Variants in PSEN1 observed in about 807,000 individuals in gnomAD.
PSEN1 encodes the protein presenilin-1.
PSEN1 carries 15 observed loss-of-function variants against 53.5 expected under a neutral mutation model. The observed-to-expected ratio is 0.28, with a 90% confidence interval of 0.19 to 0.43. The LOEUF (loss-of-function observed/expected upper bound fraction) is 0.43. Ranked by LOEUF, PSEN1 falls within the 20% of genes least tolerant of loss-of-function variation. The pLI, the probability that PSEN1 is intolerant of heterozygous loss-of-function variation, is 1.00. For synonymous variants in PSEN1, 208 were observed against 209.8 expected (o/e 0.99, Z 0.08); for missense variants, 387 against 571.2 (o/e 0.68, Z 3.29).
chr14:73,196,310 A>ACTT (rs1368110714), intron 7 of PSEN1, among the ~76,000 whole-genome samples: 4 of 151,960 alleles, frequency 2.6e-5, no homozygotes, highest in Non-Finnish European at 5.9e-5. Context: ...AGCAGGGCAG[A>ACTT]CTTCTCATTC....
intron 4 of PSEN1, among the ~76,000 whole-genome samples, chr14:73,172,605 A>G (rs768733489): frequency 4.6e-5 from 7 of 152,222 alleles, no homozygotes; most frequent in Non-Finnish European, 1.0e-4. Context: ...CTACAGTAGC[A>G]CAGTTGAGTG....
At chr14:73,142,940 C>T (rs1411075891) in intron 1 of PSEN1, among the ~76,000 whole-genome samples, 1 of 152,120 alleles carries the variant, frequency 6.6e-6, no homozygotes, top group Non-Finnish European at 1.5e-5. Flanking sequence ...AGCAAAAACA[C>T]CAGAGTAGAT....
At chr14:73,173,347 TCC>T (rs1265029047) in intron 4 of PSEN1, among the ~76,000 whole-genome samples, 2 of 152,340 alleles carry the variant, frequency 1.3e-5, no homozygotes, top group East Asian at 3.9e-4. Flanking sequence ...ACATGTTAAG[TCC>T]TTCTTTCCAT....
At chr14:73,137,189 G>A (rs1896771681) in intron 1 of PSEN1, 1 of 152,362 alleles carries the variant, frequency 6.6e-6, no homozygotes, top group Non-Finnish European at 1.5e-5. Flanking sequence ...GGCTGGGATG[G>A]GTGAGAGAAT....
intron 3 of PSEN1, among the ~76,000 whole-genome samples, chr14:73,157,143 G>A (rs1222552396): frequency 3.5e-5 from 5 of 143,646 alleles, no homozygotes; most frequent in South Asian, 2.2e-4. Flanking sequence ...TTTTTTTTGC[G>A]AGGGAGTTTC....
Position 73,148,007 on chromosome 14 carries a change from T to A in PSEN1, c.-13T>A. On this transcript the variant is annotated 5_prime_UTR_variant, in exon 3 of 12. Coordinates refer to ENST00000324501, the MANE Select transcript of PSEN1 (RefSeq NM_000021.4). ...TGTTTTCTGTGAAACAGTATTTCTA[T>A]ACAGTTGCTCCAATGACAGAGTTAC... 1 of 1,604,616 alleles carries A rather than the reference T, an allele frequency of 6.2e-7. No homozygotes were observed. The highest frequency in any genetic ancestry group is 8.5e-7 in the Non-Finnish European group (1 of 1,171,298).
chr14:73,162,482 GA>G (rs1897581598), intron 3 of PSEN1, among the ~76,000 whole-genome samples: 1 of 151,010 alleles, frequency 6.6e-6, no homozygotes, highest in Admixed American at 6.6e-5. Flanking sequence ...AGGAGAGAGA[GA>G]GAGAGAGAGA....
In PSEN1 at chr14:73,150,518, A is replaced by G. The variant is rs182805164; in HGVS notation, c.87+2412A>G. ...GTGGCTCACGCCTGTAATCCCAGCA[A>G]TTTGGGAGGCCGAGGCTGGTGGATC... On this transcript the variant is annotated intron_variant, in intron 3 of 11. Coordinates refer to ENST00000324501, the MANE Select transcript of PSEN1 (RefSeq NM_000021.4). Among the ~76,000 whole-genome samples the G allele has an allele frequency of 2.0e-4, 30 of 149,088 alleles. 1 individual carries two copies. The highest frequency in any genetic ancestry group is 7.4e-4 in the African/African-American group (30 of 40,496).
intron 8 of PSEN1, chr14:73,206,073 G>A (rs1278075518): frequency 2.8e-6 from 1 of 356,522 alleles, no homozygotes; most frequent in African/African-American, 2.1e-5. Flanking sequence ...AACTAGTCCA[G>A]CTATTGTTTC....
chr14:73,222,829 CCTT>C lies in PSEN1; in HGVS notation c.*3543_*3545del, dbSNP rs1457838650. 2 of 152,200 alleles carry C rather than the reference CCTT, an allele frequency of 1.3e-5. No individual in the cohort carries two copies. The highest frequency in any genetic ancestry group is 1.9e-4 in the East Asian group (1 of 5,198). The allele number at this position is 152,200 out of a possible 1,614,324, so 9.4% of individuals were successfully genotyped here. A position where few individuals can be genotyped will look rare whatever the true frequency, so the allele number is the denominator to read the frequency against. The stretch of plus-strand genomic sequence containing the variant: ...AAATCAATCCATTCAGTAAAGTACT[CCTT>C]CTCTAAATTTGCTGTTATGTCTATA... On this transcript the variant is annotated 3_prime_UTR_variant, in exon 12 of 12. Transcript: ENST00000324501.
At chr14:73,147,148 G>A (rs968971857) in intron 1 of PSEN1, among the ~76,000 whole-genome samples, 1 of 151,884 alleles carries the variant, frequency 6.6e-6, no homozygotes, top group Non-Finnish European at 1.5e-5. Flanking sequence ...ACCACACCCG[G>A]CTAATTTTTG....
chr14:73,184,968 G>T (rs1232956300), intron 5 of PSEN1, among the ~76,000 whole-genome samples: 2 of 147,780 alleles, frequency 1.4e-5, no homozygotes, highest in Non-Finnish European at 1.5e-5. Context: ...ATCCCAGACG[G>T]GGCGGCGGGG....
rs1315157428 is a variant in PSEN1 at position 73,170,888 on chromosome 14, G to A, written c.179G>A (p.Arg60Gln). The change falls in exon 4 of 12, where the codon CGG becomes CAG. Residue 60 changes from arginine to glutamine, a missense_variant. By Grantham distance (43) the Arg-to-Gln change is conservative. This residue lies in a region of PSEN1 where 99 missense variants were observed against 101.5 expected (regional missense o/e 0.98). Transcript: ENST00000324501. The stretch of plus-strand genomic sequence containing the variant: ...AATGGACGACCCCAGGGTAACTCCC[G>A]GCAGGTGGTGGAGCAAGATGAGGAA... ...LSNGRPQGNS[R>Q]QVVEQDEEED... 4 of 1,614,154 alleles carry A rather than the reference G, an allele frequency of 2.5e-6. No individual in the cohort carries two copies. Among genetic ancestry groups the A allele is most frequent in the South Asian group, 2.2e-5 (2 of 91,080 alleles).
intron 3 of PSEN1, among the ~76,000 whole-genome samples, chr14:73,163,790 G>A (rs1190858321): frequency 6.6e-6 from 1 of 152,158 alleles, no homozygotes; most frequent in African/African-American, 2.4e-5. Context: ...ATGGAGAGAG[G>A]AGGAACAGTT....
intron 3 of PSEN1, among the ~76,000 whole-genome samples, chr14:73,156,359 AAATAAT>A (rs922053283): frequency 7.3e-5 from 11 of 151,424 alleles, no homozygotes; most frequent in African/African-American, 2.7e-4. Flanking sequence ...CGGTCTCAAA[AAATAAT>A]AATAATAAAA....
At chr14:73,198,192 A>G (rs1194512218) in intron 8 of PSEN1, 63 bp downstream of exon 8, 1 of 942,164 alleles carries the variant, frequency 1.1e-6, no homozygotes, top group East Asian at 2.5e-5. Context: ...ACTGAAGCAC[A>G]TGTAACTATG....
chr14:73,217,095 C>T lies in PSEN1; in HGVS notation c.1130-31C>T, dbSNP rs746270612. The stretch of plus-strand genomic sequence containing the variant: ...TGAAATCATAGCAAAGAGTGACCAA[C>T]TTTTTAATATTTGTAACCTTTCCTT... On this transcript the variant is annotated intron_variant, in intron 10 of 11. Coordinates refer to ENST00000324501, the MANE Select transcript of PSEN1 (RefSeq NM_000021.4). 6 of 1,612,886 alleles carry T rather than the reference C, an allele frequency of 3.7e-6. No individual in the cohort carries two copies. In the African/African-American group the frequency reaches 5.3e-5, roughly 14 times the overall value.
chr14:73,216,877 CTTATTATTG>C (rs1424037937), intron 10 of PSEN1, among the ~76,000 whole-genome samples: 2 of 152,032 alleles, frequency 1.3e-5, no homozygotes, highest in Non-Finnish European at 2.9e-5. Context: ...ACGATTATTA[CTTATTATTG>C]TTATTGATAA....
At chr14:73,186,118 A>G (rs999623892) in intron 5 of PSEN1, among the ~76,000 whole-genome samples, 53 of 152,264 alleles carry the variant, frequency 3.5e-4, no homozygotes, top group African/African-American at 1.3e-3. Context: ...TGCGGTGGCA[A>G]CCTGTAATCC....
Sources: allele counts gnomAD v4.1 joint callset (sites outside exome capture counted in the v4.1 genomes callset), GRCh38; gene constraint gnomAD v4.1.1; regional missense constraint gnomAD v4.1.1; transcripts MANE v1.5; gene names NCBI Gene and HGNC (gene_info 2026-07-23, HGNC 2026-07-21).